Variants in ARHGAP35 observed in about 807,000 individuals in gnomAD.
The protein encoded by ARHGAP35 is Rho GTPase activating protein 35, also known as rho GTPase-activating protein 35.
In ARHGAP35, 15 loss-of-function variants were observed where a neutral mutation model predicts 111.1. The ratio of observed to expected loss-of-function variants is 0.13; its 90% CI spans 0.09 to 0.21. The LOEUF is 0.21. Ranked by LOEUF, ARHGAP35 falls within the 10% of genes least tolerant of loss-of-function variation. ARHGAP35 has a pLI of 1.00. For missense variants in ARHGAP35, 1,262 were observed against 1,873.0 expected (o/e 0.67, Z 6.02); for synonymous variants, 643 against 710.3 (o/e 0.91, Z 1.51).
At chr19:46,966,582 A>G (rs2056516412) in intron 3 of ARHGAP35, among the ~76,000 whole-genome samples, 2 of 152,128 alleles carry the variant, frequency 1.3e-5, no homozygotes, top group Non-Finnish European at 2.9e-5. Flanking sequence ...ACATCTTTGT[A>G]ATGTATGGTC....
At chr19:46,969,962 G>A (rs538291979) in intron 3 of ARHGAP35, among the ~76,000 whole-genome samples, 11 of 152,218 alleles carry the variant, frequency 7.2e-5, no homozygotes, top group South Asian at 6.2e-4. Flanking sequence ...TTGCTCCGCT[G>A]CCTGGCTTCT....
chr19:47,001,207 A>G lies in ARHGAP35; in HGVS notation c.*519A>G. The G allele has an allele frequency of 7.9e-7, 1 of 1,270,952 alleles. No homozygotes were observed. The highest frequency in any genetic ancestry group is 1.0e-6 in the Non-Finnish European group (1 of 980,200). 78.7% of individuals were successfully genotyped at this position (1,270,952 alleles called of 1,614,324 possible). A position where few individuals can be genotyped will look rare whatever the true frequency, so the allele number is the denominator to read the frequency against. ...CGGCCTCCTTGGGAACGTGTAGGCC[A>G]CGGCTCTGCCACCACTAGGTACCTG... On this transcript the variant is annotated 3_prime_UTR_variant, in exon 7 of 7. Transcript: ENST00000672722. This position sits in a 1 kb window ranked among gnomAD's most constrained non-coding sequence, Gnocchi z 5.4.
intron 3 of ARHGAP35, among the ~76,000 whole-genome samples, chr19:46,957,877 A>C (rs575474455): frequency 1.3e-5 from 2 of 152,324 alleles, no homozygotes; most frequent in South Asian, 4.1e-4. Flanking sequence ...TTAGGAAATG[A>C]GAATGGGGGA....
chr19:46,874,526 CG>C, intron 1 of ARHGAP35, among the ~76,000 whole-genome samples: 1 of 99,670 alleles, frequency 1.0e-5, no homozygotes, highest in East Asian at 2.7e-4. Flanking sequence ...TTTTTTGAGT[CG>C]GAGTCTTGCT....
In ARHGAP35 at chr19:46,901,329, A is replaced by G. The variant is rs1349923314; in HGVS notation, c.-188-17159A>G. The stretch of plus-strand genomic sequence containing the variant: ...TCCCAGCACTTCGGGAGGCCGAGGC[A>G]GGTGGATCACTTGAGGTCAGGAGTT... On this transcript the variant is annotated intron_variant, in intron 1 of 6. Coordinates refer to ENST00000672722, the MANE Select transcript of ARHGAP35 (RefSeq NM_004491.5). The surrounding 1 kb of genome is among the most constrained non-coding windows in gnomAD (Gnocchi z 4.5). 2.0e-5 allele frequency among the ~76,000 whole-genome samples: 3 copies of G among 152,198 alleles called. No homozygotes were observed. In the East Asian group the frequency reaches 5.8e-4, roughly 29 times the overall value.
rs151297311 is a variant in ARHGAP35 at position 46,958,256 on chromosome 19, C to T, written c.3826+20848C>T. Among the ~76,000 whole-genome samples, 897 of 151,806 alleles carry T rather than the reference C, an allele frequency of 5.9e-3. 5 individuals are homozygous for T. Among genetic ancestry groups the T allele is most frequent in the African/African-American group, 0.02 (808 of 41,426 alleles). On this transcript the variant is annotated intron_variant, in intron 3 of 6. Transcript: ENST00000672722. ...ACAATTAGCCGGGCATGGTGGCGGG[C>T]GCCTGTAGTCCCAGCTACTCCGGAG...
rs147363620 is a variant in ARHGAP35 at position 46,949,870 on chromosome 19, C to G, written c.3826+12462C>G. On this transcript the variant is annotated intron_variant, in intron 3 of 6. Coordinates refer to ENST00000672722, the MANE Select transcript of ARHGAP35 (RefSeq NM_004491.5). ...TTATTTTGGTAGCTCCTGTCACTGA[C>G]CTGCTGTGGTGTGGAAATCCCAATG... Among the ~76,000 whole-genome samples, 16 of 152,326 alleles carry G rather than the reference C, an allele frequency of 1.1e-4. 1 individual carries two copies. The highest frequency in any genetic ancestry group is 3.4e-3 in the Middle Eastern group (1 of 294).
In ARHGAP35 at chr19:47,001,359, A is replaced by G. The variant is rs567779532; in HGVS notation, c.*671A>G. ...CAGCCTTCCCGAAACATTCCCTGGCAAACAAAGGAACACTAGGAGAAAAAA... is the reference window on the plus strand; with the variant it reads ...CAGCCTTCCCGAAACATTCCCTGGCGAACAAAGGAACACTAGGAGAAAAAA... On this transcript the variant is annotated 3_prime_UTR_variant, in exon 7 of 7. Transcript: ENST00000672722. The surrounding 1 kb of genome is among the most constrained non-coding windows in gnomAD (Gnocchi z 5.4). 1 of 1,290,210 alleles carries G rather than the reference A, an allele frequency of 7.8e-7. No individual in the cohort carries two copies. The highest frequency in any genetic ancestry group is 5.5e-5 in the East Asian group (1 of 18,030). 79.9% of individuals were successfully genotyped at this position (1,290,210 alleles called of 1,614,324 possible). A position where few individuals can be genotyped will look rare whatever the true frequency, so the allele number is the denominator to read the frequency against.
intron 5 of ARHGAP35, among the ~76,000 whole-genome samples, chr19:46,990,704 T>C (rs2056675129): frequency 6.6e-6 from 1 of 152,154 alleles, no homozygotes; most frequent in Admixed American, 6.5e-5. Flanking sequence ...AGCCTGATGG[T>C]GTAGGCAGAA....
chr19:46,946,891 T>G (rs2056383126), intron 3 of ARHGAP35: 1 of 152,204 alleles, frequency 6.6e-6, no homozygotes, highest in Non-Finnish European at 1.5e-5. Context: ...TCACATTTAT[T>G]TTCAAAAGCT....
chr19:46,997,015 G>A lies in ARHGAP35; in HGVS notation c.4037-2289G>A, dbSNP rs535396744. Among the ~76,000 whole-genome samples the A allele has an allele frequency of 2.6e-5, 4 of 152,246 alleles. No individual in the cohort carries two copies. In the South Asian group the frequency reaches 8.3e-4, roughly 32 times the overall value. On this transcript the variant is annotated intron_variant, in intron 5 of 6. Coordinates refer to ENST00000672722, the MANE Select transcript of ARHGAP35 (RefSeq NM_004491.5). ...TCTAGTAAAAATACAAAAATTAGCA[G>A]GCGTGGTGGTGGGCACCTGTAATCC...
At position 46,877,433 on chromosome 19, in the gene ARHGAP35, G is replaced by A. The variant is rs1045123044; in HGVS notation, c.-189+16224G>A. Among the ~76,000 whole-genome samples, 3 of 151,332 alleles carry A rather than the reference G, an allele frequency of 2.0e-5. No individual in the cohort carries two copies. In the East Asian group the frequency reaches 5.9e-4, roughly 30 times the overall value. On this transcript the variant is annotated intron_variant, in intron 1 of 6. Coordinates refer to ENST00000672722, the MANE Select transcript of ARHGAP35 (RefSeq NM_004491.5). ...CAAAAACTAGCCGGGCGTGGTGGTGGGCACCTGTAATCCCCAGCTACTCAG... is the reference window on the plus strand; with the variant it reads ...CAAAAACTAGCCGGGCGTGGTGGTGAGCACCTGTAATCCCCAGCTACTCAG...
At chr19:46,971,506 G>GT (rs113187114) in intron 3 of ARHGAP35, among the ~76,000 whole-genome samples, 1,567 of 145,212 alleles carry the variant, frequency 0.011, 9 homozygotes, top group South Asian at 0.021. Flanking sequence ...CTTTTTTGGG[G>GT]TTTTTTTTTT....
chr19:46,968,182 CA>C lies in ARHGAP35; in HGVS notation c.3827-19806del, dbSNP rs2056525951. On this transcript the variant is annotated intron_variant, in intron 3 of 6. Transcript: ENST00000672722. ...AGTGGTGGAAACGTGGAATTGTATA[CA>C]TAGAAAGGGAGGAGGAAGAAGATTC... Among the ~76,000 whole-genome samples, 6 of 152,280 alleles carry C rather than the reference CA, an allele frequency of 3.9e-5. No individual in the cohort carries two copies. The South Asian group carries it at 1.2e-3, about 32-fold the overall frequency.
chr19:46,983,054 C>CAAAAAAAAAA (rs71179281), intron 3 of ARHGAP35, among the ~76,000 whole-genome samples: 5 of 47,652 alleles, frequency 1.0e-4, no homozygotes, highest in Non-Finnish European at 1.4e-4. Flanking sequence ...ACCTTGTGTA[C>CAAAAAAAAAA]AAAAAAAAAA....
intron 3 of ARHGAP35, among the ~76,000 whole-genome samples, chr19:46,976,332 C>G (rs959660258): frequency 2.0e-5 from 3 of 151,216 alleles, no homozygotes; most frequent in African/African-American, 4.9e-5. Flanking sequence ...GGCAGGCAGT[C>G]AGCTCGCCAG....
chr19:46,996,631 C>T (rs1343026552), intron 5 of ARHGAP35, among the ~76,000 whole-genome samples: 2 of 152,160 alleles, frequency 1.3e-5, no homozygotes, highest in East Asian at 1.9e-4. Context: ...AAGACAAACA[C>T]AGCTGTGTTT....
chr19:46,875,834 C>T (rs2055915991), intron 1 of ARHGAP35, among the ~76,000 whole-genome samples: 1 of 152,078 alleles, frequency 6.6e-6, no homozygotes, highest in South Asian at 2.1e-4. Context: ...GATTTGTTAT[C>T]TCTTGGTCTT....
chr19:46,899,277 A>G (rs150910426), intron 1 of ARHGAP35, among the ~76,000 whole-genome samples: 374 of 152,306 alleles, frequency 2.5e-3, no homozygotes, highest in Non-Finnish European at 4.4e-3. Context: ...AGGAATGCTC[A>G]TGGCATGTTC....
Sources: gnomAD v4.1 joint callset for allele counts (sites outside exome capture counted in the v4.1 genomes callset) on GRCh38, gnomAD v4.1.1 for gene constraint, Gnocchi (gnomAD v3.1) non-coding constraint, MANE v1.5 for transcripts, NCBI Gene and HGNC (gene_info 2026-07-23, HGNC 2026-07-21) for gene names.